The following STXBP5L variants were observed in gnomAD, a reference collection of about 807,000 sequenced individuals.
The protein encoded by STXBP5L is syntaxin-binding protein 5-like.
Under a neutral mutation model 144.5 loss-of-function variants are expected in STXBP5L, and 65 were observed. The ratio of observed to expected loss-of-function variants is 0.45; its 90% confidence interval spans 0.37 to 0.55. The LOEUF (loss-of-function observed/expected upper bound fraction) is 0.55, where lower values mean the gene tolerates loss of function less well. STXBP5L is among the 20% of genes least tolerant of loss of function. The pLI, the probability that STXBP5L is intolerant of heterozygous loss-of-function variation, is 0.00. For synonymous variants in STXBP5L, 505 were observed against 469.6 expected (o/e 1.08, Z -0.97); for missense variants, 1,298 against 1,405.5 (o/e 0.92, Z 1.22).
In STXBP5L at chr3:120,955,037, T is replaced by C; in HGVS notation, c.287T>C (p.Ile96Thr). The C allele has an allele frequency of 2.5e-6, 4 of 1,610,540 alleles. No homozygotes were observed. Among genetic ancestry groups the C allele is most frequent in the Non-Finnish European group, 3.4e-6 (4 of 1,177,846 alleles). ...AIGTRTGAIRILGRPGVDCYC... is the reference protein window; with the variant it reads ...AIGTRTGAIRTLGRPGVDCYC... ...GGGACGAGAACAGGTGCTATACGAA[T>C]GTATCCTTAAATTTTGGTTCATTAT... Residue 96 changes from isoleucine (I) to threonine (T), a missense_variant and splice_region_variant, in exon 3 of 27, where the codon ATA becomes ACA. Transcript: ENST00000471454.
intron 19 of STXBP5L, among the ~76,000 whole-genome samples, chr3:121,302,260 G>C (rs899282791): frequency 2.3e-4 from 35 of 152,074 alleles, no homozygotes; most frequent in African/African-American, 8.2e-4. Flanking sequence ...CTTCTTCCTG[G>C]TTTAGTCTTA....
At chr3:121,266,616 G>A (rs187845314) in intron 18 of STXBP5L, among the ~76,000 whole-genome samples, 5 of 152,298 alleles carry the variant, frequency 3.3e-5, no homozygotes, top group African/African-American at 1.2e-4. Context: ...AATATTGGAA[G>A]TTCTGGCCAG....
chr3:121,106,802 C>T (rs1175281380), intron 5 of STXBP5L, among the ~76,000 whole-genome samples: 1 of 151,940 alleles, frequency 6.6e-6, no homozygotes, highest in African/African-American at 2.4e-5. Flanking sequence ...GGTTGTAGGT[C>T]TTTGAGGAAT....
chr3:121,113,666 C>CTTTT (rs1273804231), intron 5 of STXBP5L, among the ~76,000 whole-genome samples: 30 of 132,858 alleles, frequency 2.3e-4, no homozygotes, highest in South Asian at 4.9e-4. Context: ...ATTCTTTTTT[C>CTTTT]TTTTTCTTTT....
intron 5 of STXBP5L, 140 bp downstream of exon 5, chr3:121,045,675 G>T: frequency 1.3e-6 from 1 of 771,822 alleles, no homozygotes; most frequent in Non-Finnish European, 2.0e-6. Context: ...CTTTCATAGT[G>T]TTTTCTTTTT....
Position 121,004,224 on chromosome 3 carries a change from A to C in STXBP5L, c.288-37476A>C, listed in dbSNP as rs558357339. Among the ~76,000 whole-genome samples, 28 of 151,908 alleles carry C rather than the reference A, an allele frequency of 1.8e-4. 1 individual carries two copies. In the East Asian group the frequency reaches 4.4e-3, roughly 24 times the overall value. ...ATTTGTTTGTATCCTCTTTTATTTC[A>C]TCGAGCAGTGGTTTGTAGCTCTCCT... On this transcript the variant is annotated intron_variant, in intron 3 of 26. Coordinates refer to ENST00000471454, the MANE Select transcript of STXBP5L (RefSeq NM_001308330.2).
At chr3:121,130,043 C>A (rs540959186) in intron 7 of STXBP5L, among the ~76,000 whole-genome samples, 1 of 152,056 alleles carries the variant, frequency 6.6e-6, no homozygotes, top group African/African-American at 2.4e-5. Flanking sequence ...ACTGAACCAA[C>A]TAATTTTTAT....
intron 19 of STXBP5L, among the ~76,000 whole-genome samples, chr3:121,315,741 C>G (rs1438235667): frequency 6.6e-6 from 1 of 152,028 alleles, no homozygotes. Context: ...ATGGCTCATG[C>G]TTATAATCCC....
intron 5 of STXBP5L, among the ~76,000 whole-genome samples, chr3:121,082,596 A>G (rs1258698021): frequency 1.3e-5 from 2 of 152,228 alleles, no homozygotes; most frequent in Non-Finnish European, 1.5e-5. Context: ...TGGTAATTTT[A>G]TCTCTGAATC....
At chr3:121,092,785 C>G (rs1451211195) in intron 5 of STXBP5L, among the ~76,000 whole-genome samples, 1 of 152,156 alleles carries the variant, frequency 6.6e-6, no homozygotes, top group Admixed American at 6.5e-5. Flanking sequence ...TCTAATTGCC[C>G]TGGCCAGAAC....
chr3:121,395,897 G>A (rs181801305), intron 22 of STXBP5L, among the ~76,000 whole-genome samples: 1 of 152,330 alleles, frequency 6.6e-6, no homozygotes, highest in African/African-American at 2.4e-5. Context: ...GTCTCGACAT[G>A]GCTGCAACCG....
intron 9 of STXBP5L, among the ~76,000 whole-genome samples, chr3:121,201,039 G>T (rs1577194635): frequency 6.6e-6 from 1 of 152,166 alleles, no homozygotes. Flanking sequence ...GAATATCCTT[G>T]TTAATTTTCT....
chr3:121,365,499 A>T (rs1243542562), intron 20 of STXBP5L, among the ~76,000 whole-genome samples: 2 of 151,470 alleles, frequency 1.3e-5, no homozygotes, highest in Admixed American at 6.6e-5. Flanking sequence ...TGACTTGGTC[A>T]TGGCAAGTTT....
In STXBP5L at chr3:120,978,564, C is replaced by T. The variant is rs981500570; in HGVS notation, c.287+23527C>T. ...TCAACTCGTCAAAGTCATTCTCCAT[C>T]CAGGTTTGTTCTGTTGCTGGTGAGG... On this transcript the variant is annotated intron_variant, in intron 3 of 26. Coordinates refer to ENST00000471454, the MANE Select transcript of STXBP5L (RefSeq NM_001308330.2). 5.3e-5 allele frequency among the ~76,000 whole-genome samples: 8 copies of T among 152,342 alleles called. No individual in the cohort carries two copies. In the East Asian group the frequency reaches 1.2e-3, roughly 22 times the overall value.
intron 7 of STXBP5L, among the ~76,000 whole-genome samples, chr3:121,137,797 A>C (rs1401286395): frequency 6.6e-6 from 1 of 152,170 alleles, no homozygotes; most frequent in East Asian, 1.9e-4. Context: ...TAAGGGCCAC[A>C]ATTGACAAGA....
chr3:121,078,001 C>G (rs1008292941), intron 5 of STXBP5L, among the ~76,000 whole-genome samples: 1 of 152,204 alleles, frequency 6.6e-6, no homozygotes, highest in Non-Finnish European at 1.5e-5. Context: ...GGTACATTCA[C>G]AAACCCTGAG....
chr3:121,075,059 G>A (rs978393617), intron 5 of STXBP5L, among the ~76,000 whole-genome samples: 3 of 152,082 alleles, frequency 2.0e-5, no homozygotes, highest in Middle Eastern at 6.3e-3. Context: ...GCTCCTTGGG[G>A]CCTAATGAAG....
chr3:121,055,181 A>T (rs1576800616), intron 5 of STXBP5L, among the ~76,000 whole-genome samples: 2 of 152,184 alleles, frequency 1.3e-5, no homozygotes, highest in Non-Finnish European at 2.9e-5. Flanking sequence ...ATTGTCATGT[A>T]ACATGAGAAT....
intron 3 of STXBP5L, among the ~76,000 whole-genome samples, chr3:120,984,097 G>A (rs986350237): frequency 1.3e-5 from 2 of 152,060 alleles, no homozygotes; most frequent in African/African-American, 4.8e-5. Flanking sequence ...GGTTCCCATG[G>A]GATGGGACTG....
Sources: allele counts gnomAD v4.1 joint callset (sites outside exome capture counted in the v4.1 genomes callset), GRCh38; gene constraint gnomAD v4.1.1; transcripts MANE v1.5; gene names NCBI Gene and HGNC (gene_info 2026-07-23, HGNC 2026-07-21).